Variants in TDRD1 observed in about 807,000 individuals in gnomAD.
The protein encoded by TDRD1 is tudor domain containing 1, also known as tudor domain-containing protein 1.
Under a neutral mutation model 140.6 loss-of-function variants are expected in TDRD1, and 37 were observed. The ratio of observed to expected loss-of-function variants is 0.26; its 90% CI spans 0.20 to 0.35. The LOEUF (loss-of-function observed/expected upper bound fraction) is 0.35, where lower values mean the gene tolerates loss of function less well. TDRD1 is among the 10% of genes least tolerant of loss of function. The pLI is 1.00. For missense variants in TDRD1, 1,243 were observed against 1,393.0 expected (o/e 0.89, Z 1.71); for synonymous variants, 506 against 475.7 (o/e 1.06, Z -0.83).
At chr10:114,194,758 GTT>G (rs11427150) in intron 3 of TDRD1, among the ~76,000 whole-genome samples, 2 of 132,814 alleles carry the variant, frequency 1.5e-5, no homozygotes, top group Non-Finnish European at 1.6e-5. Context: ...TTGGTTGTTG[GTT>G]TTTTTTTTTT....
chr10:114,191,068 CAT>C, intron 3 of TDRD1, 49 bp downstream of exon 3: 1 of 1,552,974 alleles, frequency 6.4e-7, no homozygotes, highest in South Asian at 1.2e-5. Flanking sequence ...AGATTCTAAA[CAT>C]GTTTTATTTA....
At chr10:114,177,038 A>G (rs600295), upstream of TDRD1, among the ~76,000 whole-genome samples, 30,180 of 152,138 alleles carry the variant, frequency 0.2, 3,120 homozygotes, top group African/African-American at 0.25. Flanking sequence ...AAAGCTGGAA[A>G]AATCTGAGCA....
chr10:114,187,822 T>G lies in TDRD1; in HGVS notation c.-6-4T>G. On this transcript the variant is annotated splice_polypyrimidine_tract_variant and splice_region_variant and intron_variant, in intron 1 of 25. Transcript: ENST00000251864. The stretch of plus-strand genomic sequence containing the variant: ...TTGTCTCTTAAATACATTTCTCTCC[T>G]TAGGCCTCGATGAGTGTTAAATCGC... 1 of 1,556,810 alleles carries G rather than the reference T, an allele frequency of 6.4e-7. No individual in the cohort carries two copies. The highest frequency in any genetic ancestry group is 1.2e-5 in the South Asian group (1 of 81,280).
At chr10:114,184,089 T>C (rs2033321658) in intron 1 of TDRD1, among the ~76,000 whole-genome samples, 3 of 152,174 alleles carry the variant, frequency 2.0e-5, no homozygotes, top group Admixed American at 2.0e-4. Context: ...AGTATATTAA[T>C]TGATACTCCC....
At chr10:114,183,324 T>G (rs1276102269) in intron 1 of TDRD1, among the ~76,000 whole-genome samples, 1 of 152,224 alleles carries the variant, frequency 6.6e-6, no homozygotes, top group Non-Finnish European at 1.5e-5. Flanking sequence ...TTTGATCCTT[T>G]ACTTGATTTA....
At chr10:114,220,034 A>T (rs2036047882) in intron 18 of TDRD1, among the ~76,000 whole-genome samples, 1 of 152,068 alleles carries the variant, frequency 6.6e-6, no homozygotes, top group Non-Finnish European at 1.5e-5. Context: ...AAAATTAGAA[A>T]CTCTGGGTAG....
chr10:114,224,423 CAGTG>C (rs1395997240), intron 21 of TDRD1, among the ~76,000 whole-genome samples: 1 of 152,178 alleles, frequency 6.6e-6, no homozygotes, highest in Non-Finnish European at 1.5e-5. Flanking sequence ...GCTGGGCACT[CAGTG>C]GGTGGGCCCC....
At chr10:114,202,574 G>A (rs925919357) in intron 6 of TDRD1, among the ~76,000 whole-genome samples, 2 of 152,082 alleles carry the variant, frequency 1.3e-5, no homozygotes, top group African/African-American at 4.8e-5. Flanking sequence ...TACTCTAATA[G>A]GGCCTAGTTA....
At chr10:114,206,263 G>T (rs2035094002) in exon 11 of TDRD1, 1 of 1,613,330 alleles carries the variant, frequency 6.2e-7, no homozygotes, top group African/African-American at 1.3e-5. Context: ...TAGACCATGT[G>T]CTTATAGAAA....
At position 114,227,964 on chromosome 10, in the gene TDRD1, A is replaced by G. The variant is rs775038438; in HGVS notation, c.3450+8A>G. On this transcript the variant is annotated splice_region_variant and intron_variant, in intron 24 of 25. Coordinates refer to ENST00000251864, the Ensembl canonical transcript of TDRD1. ...ACAGAGTTACAGAAACAAGTAGGTA[A>G]AATTTCCTTTAAGTGAAATTATACT... The G allele has an allele frequency of 6.2e-7, 1 of 1,612,876 alleles. No homozygotes were observed. Among genetic ancestry groups the G allele is most frequent in the Non-Finnish European group, 8.5e-7 (1 of 1,178,974 alleles).
chr10:114,207,839 A>G (rs1159038972), intron 11 of TDRD1, among the ~76,000 whole-genome samples: 2 of 152,040 alleles, frequency 1.3e-5, no homozygotes, highest in Admixed American at 6.6e-5. Context: ...CCACTGAGCA[A>G]TATCTTCTTC....
At chr10:114,205,131 G>A (rs2035016794) in intron 10 of TDRD1, among the ~76,000 whole-genome samples, 2 of 152,138 alleles carry the variant, frequency 1.3e-5, no homozygotes, top group African/African-American at 2.4e-5. Context: ...CTTTAATAGA[G>A]CCATTATAAT....
At chr10:114,189,448 A>G (rs186850495) in intron 2 of TDRD1, among the ~76,000 whole-genome samples, 127 of 152,344 alleles carry the variant, frequency 8.3e-4, no homozygotes, top group Admixed American at 1.6e-3. Context: ...TACTTCAAGG[A>G]AAACAGCTGA....
At position 114,225,558 on chromosome 10, in the gene TDRD1, T is replaced by TA. The variant is rs71303583; in HGVS notation, c.3008-475dup. 3.5e-3 allele frequency among the ~76,000 whole-genome samples: 510 copies of TA among 147,036 alleles called. 6 individuals carry two copies. The highest frequency in any genetic ancestry group is 0.018 in the East Asian group (90 of 4,960). ...TGTTCTCTACTCTATTCTACGCATT[T>TA]AAAAAAAAAAAAAAAATCTGGCCGG... On this transcript the variant is annotated intron_variant, in intron 21 of 25. Transcript: ENST00000251864.
At chr10:114,186,417 C>G (rs1168986709) in intron 1 of TDRD1, among the ~76,000 whole-genome samples, 1 of 152,120 alleles carries the variant, frequency 6.6e-6, no homozygotes, top group Admixed American at 6.6e-5. Context: ...GCACCCGCCA[C>G]CACGCCTGGC....
intron 3 of TDRD1, among the ~76,000 whole-genome samples, chr10:114,196,992 G>C (rs996399882): frequency 6.8e-6 from 1 of 147,962 alleles, no homozygotes; most frequent in East Asian, 2.0e-4. Flanking sequence ...GATTACAGAT[G>C]CCCTCCACCA....
At chr10:114,221,616 C>T in intron 20 of TDRD1, 140 bp downstream of exon 20, 1 of 805,212 alleles carries the variant, frequency 1.2e-6, no homozygotes, top group Non-Finnish European at 1.9e-6. Flanking sequence ...ACACTTAAGG[C>T]AAATTTAGTT....
At chr10:114,215,175 G>A (rs1189862354) in intron 16 of TDRD1, among the ~76,000 whole-genome samples, 1 of 150,806 alleles carries the variant, frequency 6.6e-6, no homozygotes, top group African/African-American at 2.4e-5. Flanking sequence ...CCCCTGCACT[G>A]TGAGATTGTT....
At chr10:114,178,634 A>C (rs1484609786), upstream of TDRD1, among the ~76,000 whole-genome samples, 1 of 152,202 alleles carries the variant, frequency 6.6e-6, no homozygotes, top group Non-Finnish European at 1.5e-5. Context: ...AATGCTGACA[A>C]ACACAGTGAA....
Sources: allele counts gnomAD v4.1 joint callset (sites outside exome capture counted in the v4.1 genomes callset), GRCh38; gene constraint gnomAD v4.1.1; transcripts MANE v1.5; gene names NCBI Gene and HGNC (gene_info 2026-07-23, HGNC 2026-07-21).